The following WWC1 variants were observed in gnomAD, a reference collection of about 807,000 sequenced individuals.
WWC1 encodes the protein protein KIBRA.
WWC1 carries 55 observed loss-of-function variants against 138.4 expected under a neutral mutation model. The observed-to-expected ratio is 0.40, with a 90% CI of 0.32 to 0.50. The LOEUF is 0.50. Ranked by LOEUF, WWC1 falls within the 20% of genes least tolerant of loss-of-function variation. WWC1 has a pLI of 0.72. For synonymous variants in WWC1, 524 were observed against 564.9 expected (o/e 0.93, Z 1.03); for missense variants, 1,226 against 1,420.4 (o/e 0.86, Z 2.20).
intron 15 of WWC1, among the ~76,000 whole-genome samples, chr5:168,432,715 AGACAAGGT>A (rs1399013823): frequency 1.3e-5 from 2 of 152,184 alleles, no homozygotes; most frequent in African/African-American, 4.8e-5. Flanking sequence ...GGAACCAAAC[AGACAAGGT>A]GCCAGCATTG....
chr5:168,425,745 C>T (rs1459736100), intron 11 of WWC1, among the ~76,000 whole-genome samples: 1 of 152,054 alleles, frequency 6.6e-6, no homozygotes, highest in African/African-American at 2.4e-5. Flanking sequence ...TTGATCCACC[C>T]ACCTTGGCCT....
chr5:168,307,395 C>G (rs2152745640), intron 1 of WWC1, among the ~76,000 whole-genome samples: 1 of 152,180 alleles, frequency 6.6e-6, no homozygotes, highest in East Asian at 1.9e-4. Context: ...CCTTCATTGG[C>G]ACTTTCTTCC....
At chr5:168,388,289 G>GTT (rs144060397) in intron 3 of WWC1, among the ~76,000 whole-genome samples, 13 of 149,978 alleles carry the variant, frequency 8.7e-5, no homozygotes, top group East Asian at 2.0e-4. Flanking sequence ...ATTAGACTAG[G>GTT]TTTTTTTTTT....
intron 17 of WWC1, among the ~76,000 whole-genome samples, chr5:168,445,139 C>G (rs1755130028): frequency 6.6e-6 from 1 of 151,570 alleles, no homozygotes; most frequent in South Asian, 2.1e-4. Flanking sequence ...CATGTTGAAA[C>G]CCTGTCTCTA....
At chr5:168,374,810 C>G (rs1279799151) in intron 2 of WWC1, among the ~76,000 whole-genome samples, 2 of 152,162 alleles carry the variant, frequency 1.3e-5, no homozygotes, top group African/African-American at 4.8e-5. Context: ...GTCCAGGCGC[C>G]CTAGACCTGG....
rs1359687607 is a variant in WWC1, at chr5:168,470,399, G to T, written c.*1382G>T. 1 of 152,056 alleles carries T rather than the reference G, an allele frequency of 6.6e-6. No homozygotes were observed. Among genetic ancestry groups the T allele is most frequent in the Middle Eastern group, 3.2e-3 (1 of 316 alleles). 9.4% of individuals were successfully genotyped at this position (152,056 alleles called of 1,614,324 possible). On this transcript the variant is annotated 3_prime_UTR_variant, in exon 23 of 23. Coordinates refer to ENST00000265293, the MANE Select transcript of WWC1 (RefSeq NM_015238.3). Reference sequence around the variant, plus strand: ...AAAATACAAAAAATTAGCCGGCCGTGGTGGCGGGCAGCTACTCGGGAGGCT... The same window carrying T: ...AAAATACAAAAAATTAGCCGGCCGTTGTGGCGGGCAGCTACTCGGGAGGCT...
chr5:168,374,706 T>A (rs77917822), intron 2 of WWC1, among the ~76,000 whole-genome samples: 2 of 152,188 alleles, frequency 1.3e-5, no homozygotes, highest in African/African-American at 4.8e-5. Context: ...ATCTGACTTA[T>A]GTCTTAAAAG....
intron 9 of WWC1, among the ~76,000 whole-genome samples, chr5:168,421,722 T>TAA (rs1259398485): frequency 6.6e-6 from 1 of 152,206 alleles, no homozygotes; most frequent in Non-Finnish European, 1.5e-5. Flanking sequence ...GATTTCCTCT[T>TAA]ATGTAAAGTG....
At chr5:168,314,351 T>G (rs1203128441) in intron 1 of WWC1, among the ~76,000 whole-genome samples, 1 of 152,048 alleles carries the variant, frequency 6.6e-6, no homozygotes, top group Admixed American at 6.6e-5. Context: ...GTGGATCACC[T>G]GAGGTTGGGA....
intron 1 of WWC1, among the ~76,000 whole-genome samples, chr5:168,296,452 AC>A (rs1291339257): frequency 6.6e-6 from 1 of 152,044 alleles, no homozygotes; most frequent in Non-Finnish European, 1.5e-5. Flanking sequence ...CAGGTCACAG[AC>A]CCTTATGAGA....
chr5:168,385,278 C>T lies in WWC1; in HGVS notation c.297C>T (p.Tyr99=), dbSNP rs576183356. ...RREQEHMLKD[Y]LVVAQEALSA... ...AGCAGGAACATATGCTGAAGGATTA[C>T]CTGGTGGTGGCCCAGGAGGCTCTGA... Residue 99 remains tyrosine (Y), a synonymous_variant, in exon 3 of 23, where the codon TAC becomes TAT. Coordinates refer to ENST00000265293, the MANE Select transcript of WWC1 (RefSeq NM_015238.3). 34 of 1,614,132 alleles carry T rather than the reference C, an allele frequency of 2.1e-5. 2 individuals are homozygous for T. In the South Asian group the frequency reaches 3.5e-4, roughly 17 times the overall value.
chr5:168,359,192 A>G (rs982256336), intron 1 of WWC1, among the ~76,000 whole-genome samples: 1 of 151,950 alleles, frequency 6.6e-6, no homozygotes, highest in African/African-American at 2.4e-5. Context: ...AGTAGCTGGG[A>G]CTACAGGTAC....
At chr5:168,426,217 C>T (rs1045103033) in intron 11 of WWC1, among the ~76,000 whole-genome samples, 1 of 152,156 alleles carries the variant, frequency 6.6e-6, no homozygotes, top group South Asian at 2.1e-4. Flanking sequence ...GCTGAGTGCT[C>T]TCAAAATAAA....
chr5:168,447,516 C>T (rs1755385628), intron 17 of WWC1, among the ~76,000 whole-genome samples: 1 of 151,854 alleles, frequency 6.6e-6, no homozygotes, highest in South Asian at 2.1e-4. Context: ...ATAATTTGCA[C>T]CTTTTCACCA....
intron 1 of WWC1, among the ~76,000 whole-genome samples, chr5:168,354,948 C>G (rs908849402): frequency 6.6e-6 from 1 of 152,116 alleles, no homozygotes; most frequent in Non-Finnish European, 1.5e-5. Flanking sequence ...CAAAAACGCC[C>G]CCAAAGTTTT....
At chr5:168,364,005 G>A (rs919361644) in intron 1 of WWC1, among the ~76,000 whole-genome samples, 3 of 152,082 alleles carry the variant, frequency 2.0e-5, no homozygotes, top group African/African-American at 7.2e-5. Flanking sequence ...TCTTCACAAC[G>A]CGCAGAACTC....
At chr5:168,403,891 C>T (rs1200716053) in intron 5 of WWC1, among the ~76,000 whole-genome samples, 1 of 151,026 alleles carries the variant, frequency 6.6e-6, no homozygotes, top group African/African-American at 2.5e-5. Context: ...CACACACACA[C>T]ACACACACAC....
At chr5:168,392,414 C>T (rs979648652) in intron 3 of WWC1, among the ~76,000 whole-genome samples, 5 of 152,166 alleles carry the variant, frequency 3.3e-5, no homozygotes, top group Non-Finnish European at 7.3e-5. Context: ...ATGCTGTGGC[C>T]AGGCGCTCAT....
chr5:168,430,054 T>C, intron 13 of WWC1, 83 bp from the exon 14 acceptor site: 5 of 1,142,424 alleles, frequency 4.4e-6, no homozygotes, highest in Non-Finnish European at 6.4e-6. Flanking sequence ...AACAGCCACG[T>C]CCTGTGACTT....
Sources: gnomAD v4.1 joint callset for allele counts (sites outside exome capture counted in the v4.1 genomes callset) on GRCh38, gnomAD v4.1.1 for gene constraint, MANE v1.5 for transcripts, NCBI Gene and HGNC (gene_info 2026-07-23, HGNC 2026-07-21) for gene names.